RBPJ: variants seen among roughly 807,000 people sequenced by gnomAD.
The protein encoded by RBPJ is recombination signal binding protein for immunoglobulin kappa J region.
Under a neutral mutation model 67.8 loss-of-function variants are expected in RBPJ, and 9 were observed. That is an observed-to-expected ratio of 0.13 (90% CI 0.08 to 0.23). RBPJ has a LOEUF of 0.23. Among genes scored for constraint, RBPJ ranks in the 10% least tolerant of loss-of-function variants. RBPJ has a pLI of 1.00. For synonymous variants in RBPJ, 198 were observed against 203.3 expected (o/e 0.97, Z 0.22); for missense variants, 305 against 595.6 (o/e 0.51, Z 5.08).
At chr4:26,305,673 A>G (rs1037378835) in intron 1 of RBPJ, among the ~76,000 whole-genome samples, 1 of 150,824 alleles carries the variant, frequency 6.6e-6, no homozygotes, top group African/African-American at 2.4e-5. Flanking sequence ...ATAGAATACA[A>G]TTTTTTTATA....
At chr4:26,212,415 C>T (rs1364112689) in intron 1 of RBPJ, among the ~76,000 whole-genome samples, 1 of 124,282 alleles carries the variant, frequency 8.0e-6, no homozygotes, top group African/African-American at 3.1e-5. Flanking sequence ...TCTTCTCCTG[C>T]CTTTTTCTTT....
At position 26,283,708 on chromosome 4, in the gene RBPJ, A is replaced by C. The variant is rs187520613; in HGVS notation, c.-166-78738A>C. Reference sequence around the variant, plus strand: ...GTCGCACAGGCTGGAGTGCCATAGCATGATCTCAGCTCACTGCAACCTCCA... The same window carrying C: ...GTCGCACAGGCTGGAGTGCCATAGCCTGATCTCAGCTCACTGCAACCTCCA... On this transcript the variant is annotated intron_variant, in intron 1 of 4. Coordinates refer to the RBPJ transcript ENST00000512351. Among the ~76,000 whole-genome samples, 122 of 148,162 alleles carry C rather than the reference A, an allele frequency of 8.2e-4. 1 individual carries two copies. In the Middle Eastern group the frequency reaches 0.031, roughly 38 times the overall value.
intron 1 of RBPJ, among the ~76,000 whole-genome samples, chr4:26,345,262 C>A (rs1380839952): frequency 6.6e-6 from 1 of 152,194 alleles, no homozygotes; most frequent in African/African-American, 2.4e-5. Context: ...GGCTAGAGAT[C>A]TCTTTGTGTA....
the RBPJ span, among the ~76,000 whole-genome samples, chr4:26,119,500 G>T: frequency 1.3e-5 from 2 of 151,982 alleles, no homozygotes; most frequent in African/African-American, 2.4e-5. Flanking sequence ...TCTCTAACTG[G>T]ATGTGTCACC....
chr4:26,432,280 T>C lies in RBPJ; in HGVS notation c.*1273T>C, dbSNP rs1736307531. ...TAGCCTAGCCAGAACATCATTGTAA[T>C]CTTAAAACATAAGATGCTTTTATTA... On this transcript the variant is annotated 3_prime_UTR_variant, in exon 11 of 11. Coordinates refer to ENST00000355476, the MANE Select transcript of RBPJ (RefSeq NM_015874.6). The C allele has an allele frequency of 6.6e-6, 1 of 152,252 alleles. No homozygotes were observed. The highest frequency in any genetic ancestry group is 1.5e-5 in the Non-Finnish European group (1 of 68,058). The allele number at this position is 152,252 out of a possible 1,614,324, so 9.4% of individuals were successfully genotyped here.
intron 2 of RBPJ, among the ~76,000 whole-genome samples, chr4:26,395,204 C>A (rs1731993917): frequency 6.6e-6 from 1 of 152,080 alleles, no homozygotes; most frequent in Non-Finnish European, 1.5e-5. Flanking sequence ...AGCCTGTAAT[C>A]CCAGCATTTT....
chr4:26,413,612 A>G (rs1481186068), intron 3 of RBPJ, among the ~76,000 whole-genome samples: 1 of 152,184 alleles, frequency 6.6e-6, no homozygotes, highest in Non-Finnish European at 1.5e-5. Context: ...TCATATGTAA[A>G]TTGCCTCTAA....
the RBPJ span, among the ~76,000 whole-genome samples, chr4:26,105,511 A>G: frequency 2.8e-4 from 43 of 152,192 alleles, no homozygotes; most frequent in African/African-American, 5.3e-4. Context: ...ATCTGAATAA[A>G]CAACCAAAAC....
chr4:26,141,283 C>CT, the RBPJ span, among the ~76,000 whole-genome samples: 1 of 152,264 alleles, frequency 6.6e-6, no homozygotes, highest in East Asian at 1.9e-4. Flanking sequence ...TAACCCAGCA[C>CT]TAGGCCTTGG....
intron 1 of RBPJ, among the ~76,000 whole-genome samples, chr4:26,338,995 A>C (rs923231131): frequency 1.3e-4 from 19 of 149,824 alleles, no homozygotes; most frequent in African/African-American, 3.7e-4. Flanking sequence ...AATTTTTTGT[A>C]TTTTTTTTAG....
At position 26,223,671 on chromosome 4, in the gene RBPJ, G is replaced by A. The variant is rs576847258; in HGVS notation, c.-167+60057G>A. 3.3e-5 allele frequency among the ~76,000 whole-genome samples: 5 copies of A among 152,322 alleles called. No individual in the cohort carries two copies. The East Asian group carries it at 9.6e-4, about 29-fold the overall frequency. ...CTTTGTGCTCTCAGCTGAGGATTTA[G>A]GTTGGCCCTATAGGAGGCATAGTCA... On this transcript the variant is annotated intron_variant, in intron 1 of 4. Transcript: ENST00000512351.
At chr4:26,292,024 G>T (rs566904575) in intron 1 of RBPJ, among the ~76,000 whole-genome samples, 6 of 150,918 alleles carry the variant, frequency 4.0e-5, no homozygotes, top group African/African-American at 1.5e-4. Context: ...CCACAATCAA[G>T]TTAGTTAACA....
upstream of RBPJ, among the ~76,000 whole-genome samples, chr4:26,316,555 TCATA>T (rs2109311933): frequency 7.0e-6 from 1 of 143,514 alleles, no homozygotes; most frequent in South Asian, 2.1e-4. Context: ...ATGTATATAT[TCATA>T]TATATACACA....
chr4:26,338,084 GT>G lies in RBPJ; in HGVS notation c.20+17043del, dbSNP rs200905429. 6.7e-3 allele frequency among the ~76,000 whole-genome samples: 758 copies of G among 113,244 alleles called. 6 individuals are homozygous for G. Among genetic ancestry groups the G allele is most frequent in the African/African-American group, 0.024 (729 of 29,884 alleles). The allele number at this position is 113,244 out of a possible 152,430, so 74.3% of individuals were successfully genotyped here. A position where few individuals can be genotyped will look rare whatever the true frequency, so the allele number is the denominator to read the frequency against. On this transcript the variant is annotated intron_variant, in intron 1 of 10. Coordinates refer to ENST00000355476, the MANE Select transcript of RBPJ (RefSeq NM_015874.6). ...TTTGTAGTTTTTCTTTTGGCTTTGT[GT>G]TTTTTTGTTGTTTTTTTTTCATCTT...
chr4:26,317,733 A>G (rs1398285869), upstream of RBPJ, among the ~76,000 whole-genome samples: 1 of 152,208 alleles, frequency 6.6e-6, no homozygotes. Flanking sequence ...GTCCAATTGT[A>G]TCTTGGGTGT....
intron 1 of RBPJ, among the ~76,000 whole-genome samples, chr4:26,163,944 T>C (rs756439718): frequency 2.0e-5 from 3 of 152,276 alleles, no homozygotes; most frequent in Non-Finnish European, 4.4e-5. Context: ...TGTCTCCTCA[T>C]AGTTTTCTAA....
At chr4:26,130,053 G>A in the RBPJ span, among the ~76,000 whole-genome samples, 1 of 151,914 alleles carries the variant, frequency 6.6e-6, no homozygotes, top group Non-Finnish European at 1.5e-5. Flanking sequence ...GTAGAGACAG[G>A]GTTTCACCAT....
intron 1 of RBPJ, among the ~76,000 whole-genome samples, chr4:26,377,300 A>G (rs2109582490): frequency 6.6e-6 from 1 of 152,360 alleles, no homozygotes; most frequent in Non-Finnish European, 1.5e-5. Flanking sequence ...CTAGCTTGCA[A>G]TAAAGCCAGG....
At chr4:26,156,035 C>A in the RBPJ span, among the ~76,000 whole-genome samples, 1 of 152,176 alleles carries the variant, frequency 6.6e-6, no homozygotes, top group Non-Finnish European at 1.5e-5. Context: ...GATTCAAATA[C>A]TGTGTCTGAC....
Sources: gnomAD v4.1 joint callset for allele counts (sites outside exome capture counted in the v4.1 genomes callset) on GRCh38, gnomAD v4.1.1 for gene constraint, MANE v1.5 for transcripts, NCBI Gene and HGNC (gene_info 2026-07-23, HGNC 2026-07-21) for gene names.